Variants in DESI2 observed in about 807,000 individuals in gnomAD.
The protein encoded by DESI2 is desumoylating isopeptidase 2.
In DESI2, 10 loss-of-function variants were observed where a neutral mutation model predicts 24.1. The observed-to-expected ratio is 0.41, with a 90% CI of 0.26 to 0.70. The LOEUF is 0.70. Among genes scored for constraint, DESI2 ranks in the 30% least tolerant of loss-of-function variants. The probability of loss-of-function intolerance (pLI) is 0.29; values close to 1 mark genes in which losing one functional copy is unlikely to be tolerated. For synonymous variants in DESI2, 71 were observed against 87.7 expected (o/e 0.81, Z 1.06); for missense variants, 122 against 234.9 (o/e 0.52, Z 3.14).
chr1:244,703,752 A>G (rs2148819878), intron 4 of DESI2, among the ~76,000 whole-genome samples: 1 of 149,926 alleles, frequency 6.7e-6, no homozygotes, highest in East Asian at 2.0e-4. Flanking sequence ...TCCGCCTCCC[A>G]GATTCACGCC....
chr1:244,674,535 A>C (rs1443159603), intron 1 of DESI2, among the ~76,000 whole-genome samples: 1 of 152,124 alleles, frequency 6.6e-6, no homozygotes, highest in Admixed American at 6.6e-5. Flanking sequence ...CCAAACTTCC[A>C]GTCATAGAAC....
intron 2 of DESI2, among the ~76,000 whole-genome samples, chr1:244,688,394 G>C (rs912445974): frequency 2.6e-5 from 4 of 151,982 alleles, no homozygotes; most frequent in African/African-American, 9.7e-5. Context: ...TTTTTGAACA[G>C]GTCTGAATTA....
At chr1:244,679,868 CAAAAAAAAAAAAAA>C (rs10543739) in intron 1 of DESI2, among the ~76,000 whole-genome samples, 1 of 80,666 alleles carries the variant, frequency 1.2e-5, no homozygotes, top group Non-Finnish European at 2.5e-5. Flanking sequence ...GACTCTATCT[CAAAAAAAAAAAAAA>C]AAAAAAAAAA....
intron 4 of DESI2, among the ~76,000 whole-genome samples, chr1:244,701,242 T>G: frequency 1.3e-5 from 1 of 79,674 alleles, no homozygotes. Flanking sequence ...CCCGCCCTTT[T>G]AACTGCTGAA....
intron 1 of DESI2, among the ~76,000 whole-genome samples, chr1:244,660,773 ATAAG>A: frequency 6.6e-6 from 1 of 152,236 alleles, no homozygotes; most frequent in East Asian, 1.9e-4. Flanking sequence ...ATTATTTGAA[ATAAG>A]TCTTTCCTCT....
intron 1 of DESI2, among the ~76,000 whole-genome samples, chr1:244,662,991 G>A (rs1476119620): frequency 6.6e-6 from 1 of 151,546 alleles, no homozygotes; most frequent in African/African-American, 2.4e-5. Context: ...CTGGGATTAG[G>A]ATAGATTCCA....
chr1:244,671,300 G>A (rs970980882), intron 1 of DESI2, among the ~76,000 whole-genome samples: 1 of 152,132 alleles, frequency 6.6e-6, no homozygotes, highest in Non-Finnish European at 1.5e-5. Context: ...TGAATATATA[G>A]CCACCTTAAG....
rs1430568823 is a variant in DESI2 at position 244,707,356 on chromosome 1, C to T, written c.*1567C>T. On this transcript the variant is annotated 3_prime_UTR_variant, in exon 5 of 5. Transcript: ENST00000302550. The stretch of plus-strand genomic sequence containing the variant: ...ATAAACCTTGGGTTATAAGCATTAG[C>T]CTGAGGACAATGAAGCCACTTAACC... The T allele has an allele frequency of 1.3e-5, 2 of 152,590 alleles. No homozygotes were observed. The highest frequency in any genetic ancestry group is 2.9e-5 in the Non-Finnish European group (2 of 68,036). The allele number at this position is 152,590 out of a possible 1,614,324, so 9.5% of individuals were successfully genotyped here.
intron 1 of DESI2, among the ~76,000 whole-genome samples, chr1:244,660,466 G>A (rs919528054): frequency 1.3e-5 from 2 of 152,088 alleles, no homozygotes; most frequent in African/African-American, 2.4e-5. Context: ...GCACCCGGTC[G>A]GATTTTTCTT....
intron 1 of DESI2, among the ~76,000 whole-genome samples, chr1:244,677,458 A>G (rs1221086974): frequency 6.6e-6 from 1 of 152,208 alleles, no homozygotes; most frequent in African/African-American, 2.4e-5. Context: ...TAACTCTTCA[A>G]CTTCTGGGGG....
At chr1:244,683,706 CA>C (rs1676713967) in intron 1 of DESI2, among the ~76,000 whole-genome samples, 1 of 151,786 alleles carries the variant, frequency 6.6e-6, no homozygotes, top group Non-Finnish European at 1.5e-5. Flanking sequence ...AAGAGCATCA[CA>C]CCTGCCCCAA....
chr1:244,694,769 C>T (rs1677152832), intron 4 of DESI2: 2 of 580,498 alleles, frequency 3.4e-6, no homozygotes, highest in Non-Finnish European at 6.1e-6. Context: ...TTTATTAGAA[C>T]ACAGCCATGC....
chr1:244,703,413 T>TG (rs1342314420), intron 4 of DESI2, among the ~76,000 whole-genome samples: 1 of 152,170 alleles, frequency 6.6e-6, no homozygotes, highest in Non-Finnish European at 1.5e-5. Flanking sequence ...TGTAGTGCAG[T>TG]GGCACAGTCT....
At position 244,705,561 on chromosome 1, in the gene DESI2, T is replaced by C. The variant is rs1230038884; in HGVS notation, c.357T>C (p.Leu119=). ...NHFSSALSEI[L]CGKEIPRWIN... ...GAACTCTTTCTCTTCTGTAGATTCT[T>C]TGTGGGAAAGAGATTCCTCGCTGGA... Residue 119 remains leucine (L), a synonymous_variant, in exon 5 of 5, where the codon CTT becomes CTC. Transcript: ENST00000302550. The C allele has an allele frequency of 6.2e-7, 1 of 1,613,722 alleles. No individual in the cohort carries two copies. Among genetic ancestry groups the C allele is most frequent in the Non-Finnish European group, 8.5e-7 (1 of 1,179,596 alleles).
intron 1 of DESI2, among the ~76,000 whole-genome samples, chr1:244,659,084 A>G (rs537465407): frequency 4.0e-5 from 6 of 149,774 alleles, no homozygotes; most frequent in Non-Finnish European, 7.4e-5. Context: ...ACTTGTATCA[A>G]TATGCTTCTT....
At chr1:244,659,828 T>C (rs369571851) in intron 1 of DESI2, among the ~76,000 whole-genome samples, 26 of 152,332 alleles carry the variant, frequency 1.7e-4, no homozygotes, top group East Asian at 9.6e-4. Context: ...GAAAGGTGTT[T>C]TGTAAACCCA....
At chr1:244,701,339 G>C (rs1294107000) in intron 4 of DESI2, among the ~76,000 whole-genome samples, 1 of 151,592 alleles carries the variant, frequency 6.6e-6, no homozygotes, top group Non-Finnish European at 1.5e-5. Context: ...ACGATCTGTG[G>C]AGGAACATCT....
rs143165715 is a variant in DESI2 at position 244,658,274 on chromosome 1, C to T, written c.42+4919C>T. Among the ~76,000 whole-genome samples, 465 of 152,188 alleles carry T rather than the reference C, an allele frequency of 3.1e-3. 4 individuals carry two copies. Among genetic ancestry groups the T allele is most frequent in the African/African-American group, 0.011 (451 of 41,518 alleles). The stretch of plus-strand genomic sequence containing the variant: ...TGGCTGACAGTTAAAGGTCCATTTC[C>T]CTCTTCTATATAACAGTCTTTATTC... On this transcript the variant is annotated intron_variant, in intron 1 of 4. Coordinates refer to ENST00000302550, the MANE Select transcript of DESI2 (RefSeq NM_016076.5).
chr1:244,660,021 G>T (rs6687556), intron 1 of DESI2, among the ~76,000 whole-genome samples: 1 of 152,246 alleles, frequency 6.6e-6, no homozygotes, highest in Non-Finnish European at 1.5e-5. Context: ...TACCGTTCCA[G>T]TGTATATCAG....
Sources: allele counts gnomAD v4.1 joint callset (sites outside exome capture counted in the v4.1 genomes callset), GRCh38; gene constraint gnomAD v4.1.1; transcripts MANE v1.5; gene names NCBI Gene and HGNC (gene_info 2026-07-23, HGNC 2026-07-21).